Variants in ABR observed in about 807,000 individuals in gnomAD.
ABR encodes active breakpoint cluster region-related protein.
Under a neutral mutation model 107.2 loss-of-function variants are expected in ABR, and 35 were observed. The ratio of observed to expected loss-of-function variants is 0.33; its 90% CI spans 0.25 to 0.43. The LOEUF (loss-of-function observed/expected upper bound fraction) is 0.43, where lower values mean the gene tolerates loss of function less well. Ranked by LOEUF, ABR falls within the 20% of genes least tolerant of loss-of-function variation. ABR has a pLI of 1.00. For synonymous variants in ABR, 498 were observed against 462.0 expected, an observed-to-expected ratio of 1.08 and a Z score of -1.00; for missense variants, 815 against 1,115.2, an observed-to-expected ratio of 0.73 and a Z score of 3.83.
At chr17:1,057,228 G>A (rs1405539588) in intron 12 of ABR, 126 bp from the exon 13 acceptor site, 1 of 629,934 alleles carries the variant, frequency 1.6e-6, no homozygotes, top group Non-Finnish European at 2.9e-6. Flanking sequence ...TGCGAGGGAG[G>A]GGGAAGGATT....
At chr17:1,097,239 T>C (rs1308743722) in intron 3 of ABR, among the ~76,000 whole-genome samples, 1 of 152,062 alleles carries the variant, frequency 6.6e-6, no homozygotes, top group African/African-American at 2.4e-5. Context: ...CCCTAACCTG[T>C]CTCCTCTCCC....
chr17:1,131,129 TC>T (rs200285538), intron 1 of ABR, among the ~76,000 whole-genome samples: 2 of 74,578 alleles, frequency 2.7e-5, no homozygotes, highest in South Asian at 4.3e-4. Context: ...CGCGCACAGC[TC>T]CCCCCTCTTT....
At chr17:1,197,735 C>T (rs2042596419) in intron 1 of ABR, among the ~76,000 whole-genome samples, 1 of 151,462 alleles carries the variant, frequency 6.6e-6, no homozygotes. Flanking sequence ...TGGGGAGTGG[C>T]TCCTGATTGC....
intron 1 of ABR, among the ~76,000 whole-genome samples, chr17:1,223,419 G>C (rs963832830): frequency 1.3e-5 from 2 of 152,028 alleles, no homozygotes; most frequent in South Asian, 2.1e-4. Flanking sequence ...TAACTATCCT[G>C]AGAGGGAAGT....
At chr17:1,155,391 A>G (rs1424483114) in intron 1 of ABR, among the ~76,000 whole-genome samples, 2 of 152,178 alleles carry the variant, frequency 1.3e-5, no homozygotes, top group African/African-American at 4.8e-5. Context: ...TACCATATTC[A>G]AAAAATAACT....
At chr17:1,086,163 G>A (rs1156573075) in intron 4 of ABR, among the ~76,000 whole-genome samples, 2 of 152,208 alleles carry the variant, frequency 1.3e-5, no homozygotes, top group Non-Finnish European at 2.9e-5. Flanking sequence ...ACAAAAAAAA[G>A]GTGGGTATTA....
chr17:1,032,441 G>A (rs892563969), intron 16 of ABR, among the ~76,000 whole-genome samples: 1 of 152,216 alleles, frequency 6.6e-6, no homozygotes, highest in African/African-American at 2.4e-5. Context: ...AGCCCGAAAC[G>A]ACGCGGGTCA....
intron 16 of ABR, among the ~76,000 whole-genome samples, chr17:1,016,822 C>T (rs577909886): frequency 6.6e-5 from 10 of 152,220 alleles, no homozygotes; most frequent in East Asian, 1.9e-4. Context: ...CTCCTGCCCA[C>T]GTCGCCCTCA....
At chr17:1,093,830 G>A (rs890462423) in intron 3 of ABR, among the ~76,000 whole-genome samples, 1 of 152,146 alleles carries the variant, frequency 6.6e-6, no homozygotes, top group African/African-American at 2.4e-5. Flanking sequence ...CATGTTCACT[G>A]GAAGAAGTCG....
Position 1,051,815 on chromosome 17 carries a change from G to A in ABR, c.1562-1181C>T, listed in dbSNP as rs1006007864. ...TGGCCGGGCAAGGTGGCTCACGCCT[G>A]TAAATCCCAGCACTTTGGGAGGCCA... On this transcript the variant is annotated intron_variant, in intron 14 of 22. Coordinates refer to ENST00000302538, the MANE Select transcript of ABR (RefSeq NM_021962.5). The surrounding 1 kb of genome is among the most constrained non-coding windows in gnomAD (Gnocchi z 4.3). Among the ~76,000 whole-genome samples the A allele has an allele frequency of 6.6e-6, 1 of 152,184 alleles. No individual in the cohort carries two copies. Among genetic ancestry groups the A allele is most frequent in the East Asian group, 1.9e-4 (1 of 5,186 alleles).
intron 14 of ABR, 69 bp downstream of exon 14, chr17:1,055,966 C>T (rs775665723): frequency 1.2e-4 from 170 of 1,457,786 alleles, no homozygotes; most frequent in Middle Eastern, 1.8e-4. Flanking sequence ...CTGGCAGGGC[C>T]CCATCCTGGG....
chr17:1,176,422 A>G (rs1371079401), intron 1 of ABR, among the ~76,000 whole-genome samples: 1 of 152,250 alleles, frequency 6.6e-6, no homozygotes, highest in African/African-American at 2.4e-5. Flanking sequence ...ATTCTAGGGT[A>G]CAACCTGAAT....
Position 1,011,638 on chromosome 17 carries a change from T to C in ABR, c.2101+208A>G. On this transcript the variant is annotated intron_variant, in intron 19 of 22. Transcript: ENST00000302538. The surrounding 1 kb of genome is among the most constrained non-coding windows in gnomAD (Gnocchi z 4.8). ...TCATCCTGGGCAAGTGAGTCGGCCCTTGTGAGTTTCTGCAGTTGCTTACCT... is the reference window on the plus strand; with the variant it reads ...TCATCCTGGGCAAGTGAGTCGGCCCCTGTGAGTTTCTGCAGTTGCTTACCT... The C allele has an allele frequency of 5.9e-6, 3 of 508,156 alleles. No homozygotes were observed. The highest frequency in any genetic ancestry group is 6.3e-6 in the Non-Finnish European group (2 of 316,130). 31.5% of individuals were successfully genotyped at this position (508,156 alleles called of 1,614,324 possible). A position where few individuals can be genotyped will look rare whatever the true frequency, so the allele number is the denominator to read the frequency against.
At chr17:1,103,407 G>T (rs1047456830) in intron 2 of ABR, among the ~76,000 whole-genome samples, 2 of 152,166 alleles carry the variant, frequency 1.3e-5, no homozygotes. Context: ...CTCATCCCCT[G>T]TGCTGGGGGC....
At chr17:1,082,996 C>T (rs1386334891) in intron 5 of ABR, among the ~76,000 whole-genome samples, 2 of 151,832 alleles carry the variant, frequency 1.3e-5, no homozygotes, top group African/African-American at 2.4e-5. Flanking sequence ...TGGTGGTGTG[C>T]GCCTGTAATC....
At chr17:1,201,681 T>C (rs199524967) in intron 1 of ABR, among the ~76,000 whole-genome samples, 1 of 63,692 alleles carries the variant, frequency 1.6e-5, no homozygotes, top group African/African-American at 4.7e-5. Flanking sequence ...TTTTTGCTTG[T>C]TTGTTTGTTT....
rs114699202 is a variant in ABR, at chr17:1,107,206, G to A, written c.247-6471C>T. Among the ~76,000 whole-genome samples the A allele has an allele frequency of 3.8e-3, 586 of 152,310 alleles. 6 individuals are homozygous for A. Among genetic ancestry groups the A allele is most frequent in the African/African-American group, 0.013 (556 of 41,590 alleles). ...CTCACGGGGACCCAGGAGGAGCAGC[G>A]TTTTCAGGTGTGACACGTGCTCAGG... is the stretch of plus-strand genomic sequence containing the variant. On this transcript the variant is annotated intron_variant, in intron 2 of 22. Transcript: ENST00000302538.
chr17:1,014,658 G>C lies in ABR; in HGVS notation c.1792-1494C>G, dbSNP rs2150759700. Among the ~76,000 whole-genome samples the C allele has an allele frequency of 2.0e-5, 3 of 150,390 alleles. 1 individual carries two copies. The South Asian group carries it at 6.3e-4, about 32-fold the overall frequency. The stretch of plus-strand genomic sequence containing the variant: ...TCGAGACCATCCTGGCTAACACGGT[G>C]AAACCCCGTCTCTACTAAAAAAAAA... On this transcript the variant is annotated intron_variant, in intron 16 of 22. Coordinates refer to ENST00000302538, the MANE Select transcript of ABR (RefSeq NM_021962.5).
intron 12 of ABR, 45 bp downstream of exon 12, chr17:1,057,925 A>C: frequency 6.4e-7 from 1 of 1,559,880 alleles, no homozygotes; most frequent in Non-Finnish European, 8.8e-7. Flanking sequence ...AGGCCCATCA[A>C]TGCCACGGAC....
Sources: gnomAD v4.1 joint callset for allele counts (sites outside exome capture counted in the v4.1 genomes callset) on GRCh38, gnomAD v4.1.1 for gene constraint, Gnocchi (gnomAD v3.1) non-coding constraint, MANE v1.5 for transcripts, NCBI Gene and HGNC (gene_info 2026-07-23, HGNC 2026-07-21) for gene names.